Variants in SNTG1 observed in about 807,000 individuals in gnomAD.
The protein encoded by SNTG1 is gamma-1-syntrophin.
Under a neutral mutation model 74.7 loss-of-function variants are expected in SNTG1, and 39 were observed. The observed-to-expected ratio is 0.52, with a 90% CI of 0.40 to 0.68. The LOEUF (loss-of-function observed/expected upper bound fraction) is 0.68, where lower values mean the gene tolerates loss of function less well. SNTG1 is among the 30% of genes least tolerant of loss of function. The probability of loss-of-function intolerance (pLI) is 0.00; values close to 1 mark genes in which losing one functional copy is unlikely to be tolerated. For missense variants in SNTG1, 685 were observed against 609.5 expected (o/e 1.12, Z -1.30); for synonymous variants, 254 against 217.1 (o/e 1.17, Z -1.49).
At chr8:50,017,277 G>T (rs1019664677) in intron 1 of SNTG1, among the ~76,000 whole-genome samples, 1 of 151,716 alleles carries the variant, frequency 6.6e-6, no homozygotes, top group African/African-American at 2.4e-5. Flanking sequence ...AAAAAATATA[G>T]AAAGAGAAAA....
In SNTG1 at chr8:50,782,411, T is replaced by C. The variant is rs184297903; in HGVS notation, c.1396-10260T>C. ...TGGAAGCTTTGTTAGTTTCTTTTTA[T>C]TCTTTTTTCTCTAAACTTTCCTTCT... On this transcript the variant is annotated intron_variant, in intron 18 of 18. Coordinates refer to ENST00000642720, the MANE Select transcript of SNTG1 (RefSeq NM_018967.5). 3.9e-5 allele frequency among the ~76,000 whole-genome samples: 6 copies of C among 152,310 alleles called. No homozygotes were observed. In the East Asian group the frequency reaches 1.2e-3, roughly 29 times the overall value.
At chr8:49,973,059 G>A (rs1811849910) in intron 1 of SNTG1, among the ~76,000 whole-genome samples, 1 of 152,102 alleles carries the variant, frequency 6.6e-6, no homozygotes, top group Non-Finnish European at 1.5e-5. Flanking sequence ...AAAGACACAA[G>A]CACACGTATG....
At chr8:50,730,268 C>A (rs1236529716) in intron 17 of SNTG1, among the ~76,000 whole-genome samples, 3 of 152,042 alleles carry the variant, frequency 2.0e-5, no homozygotes, top group Admixed American at 6.6e-5. Context: ...GGGGGCTATG[C>A]CACATATTGA....
At chr8:50,000,101 G>A (rs889511288) in intron 1 of SNTG1, among the ~76,000 whole-genome samples, 1 of 152,064 alleles carries the variant, frequency 6.6e-6, no homozygotes, top group Non-Finnish European at 1.5e-5. Context: ...TTCATTTAGT[G>A]CTGACCATGA....
chr8:50,037,417 C>G (rs1485218404), intron 1 of SNTG1, among the ~76,000 whole-genome samples: 1 of 152,144 alleles, frequency 6.6e-6, no homozygotes, highest in Non-Finnish European at 1.5e-5. Context: ...GCCTGTGAAC[C>G]AGGACCTCAA....
chr8:50,541,938 G>T (rs1332135722), intron 11 of SNTG1, among the ~76,000 whole-genome samples: 2 of 151,164 alleles, frequency 1.3e-5, no homozygotes, highest in African/African-American at 4.9e-5. Context: ...TTTGTGCCTG[G>T]ATTATTTCAC....
At chr8:50,482,370 A>C (rs1023419638) in intron 8 of SNTG1, among the ~76,000 whole-genome samples, 11 of 152,194 alleles carry the variant, frequency 7.2e-5, no homozygotes, top group African/African-American at 2.4e-5. Context: ...ATGGGCAGGA[A>C]GCCCAGCTTC....
chr8:49,993,928 C>T (rs1416215855), intron 1 of SNTG1, among the ~76,000 whole-genome samples: 1 of 152,214 alleles, frequency 6.6e-6, no homozygotes, highest in East Asian at 1.9e-4. Context: ...GTTGAAAATA[C>T]CTTTGAATTC....
chr8:50,190,466 T>C (rs2083531024), intron 2 of SNTG1, among the ~76,000 whole-genome samples: 1 of 152,184 alleles, frequency 6.6e-6, no homozygotes, highest in African/African-American at 2.4e-5. Context: ...GTTATGACTT[T>C]GCAATCAGTT....
rs1253502828 is a variant in SNTG1 at position 50,549,169 on chromosome 8, A to G, written c.681-3881A>G. Among the ~76,000 whole-genome samples the G allele has an allele frequency of 6.6e-5, 10 of 152,318 alleles. No individual in the cohort carries two copies. In the East Asian group the frequency reaches 1.9e-3, roughly 29 times the overall value. ...AAATAAGTCACAAAAAATAACTTGA[A>G]AAAGCTCCTGATGTATCTAAACAGC... On this transcript the variant is annotated intron_variant, in intron 11 of 18. Coordinates refer to ENST00000642720, the MANE Select transcript of SNTG1 (RefSeq NM_018967.5).
chr8:49,988,754 A>C lies in SNTG1; in HGVS notation c.-103+76523A>C, dbSNP rs189295966. On this transcript the variant is annotated intron_variant, in intron 1 of 18. Coordinates refer to ENST00000642720, the MANE Select transcript of SNTG1 (RefSeq NM_018967.5). ...AAGTCACAACACACAAAAGCTTATT[A>C]ATGCATAGAACTTAAGCACTACATA... 3.9e-5 allele frequency among the ~76,000 whole-genome samples: 6 copies of C among 152,212 alleles called. No individual in the cohort carries two copies. The East Asian group carries it at 1.2e-3, about 29-fold the overall frequency.
intron 13 of SNTG1, among the ~76,000 whole-genome samples, chr8:50,645,288 T>A (rs1336173508): frequency 6.6e-6 from 1 of 152,148 alleles, no homozygotes. Context: ...ATATTGGGTT[T>A]ATCGTTTTAG....
At chr8:50,163,494 T>TG (rs1314506026) in intron 1 of SNTG1, 1 of 151,312 alleles carries the variant, frequency 6.6e-6, no homozygotes, top group Non-Finnish European at 1.5e-5. Context: ...TTTTTTTTTT[T>TG]TTAGACGGAG....
At chr8:49,929,107 TAAATAAC>T (rs1807314926) in intron 1 of SNTG1, among the ~76,000 whole-genome samples, 1 of 152,174 alleles carries the variant, frequency 6.6e-6, no homozygotes. Context: ...AGGGAGGACT[TAAATAAC>T]TAATAAAGAA....
intron 2 of SNTG1, among the ~76,000 whole-genome samples, chr8:50,302,558 T>C (rs1563867831): frequency 6.6e-6 from 1 of 152,134 alleles, no homozygotes; most frequent in African/African-American, 2.4e-5. Context: ...ATTTAGTGAA[T>C]TTTCTTGAAT....
At chr8:50,514,404 A>G (rs2094113951) in intron 9 of SNTG1, among the ~76,000 whole-genome samples, 1 of 152,060 alleles carries the variant, frequency 6.6e-6, no homozygotes, top group Non-Finnish European at 1.5e-5. Context: ...GCATCCCATG[A>G]ATTTTTGTAT....
At chr8:50,033,117 G>A (rs1585980189) in intron 1 of SNTG1, among the ~76,000 whole-genome samples, 2 of 149,748 alleles carry the variant, frequency 1.3e-5, no homozygotes, top group African/African-American at 5.0e-5. Flanking sequence ...GCAATAAAAA[G>A]TGTTTTTTTT....
chr8:50,730,382 G>T (rs911857199), intron 17 of SNTG1, among the ~76,000 whole-genome samples: 7 of 152,154 alleles, frequency 4.6e-5, no homozygotes, highest in African/African-American at 1.7e-4. Flanking sequence ...CTCTTCAAAG[G>T]ATTTAAGCAT....
At chr8:50,075,556 T>A (rs1412246660) in intron 1 of SNTG1, among the ~76,000 whole-genome samples, 1 of 152,136 alleles carries the variant, frequency 6.6e-6, no homozygotes, top group Non-Finnish European at 1.5e-5. Context: ...ATCAGCAGGA[T>A]GTGGGTGGGG....
Sources: gnomAD v4.1 joint callset for allele counts (sites outside exome capture counted in the v4.1 genomes callset) on GRCh38, gnomAD v4.1.1 for gene constraint, MANE v1.5 for transcripts, NCBI Gene and HGNC (gene_info 2026-07-23, HGNC 2026-07-21) for gene names.